The following KCNJ3 variants were observed in gnomAD, a reference collection of about 807,000 sequenced individuals.
KCNJ3 encodes potassium inwardly rectifying channel subfamily J member 3, also known as G protein-activated inward rectifier potassium channel 1.
Under a neutral mutation model 39.2 loss-of-function variants are expected in KCNJ3, and 4 were observed. The observed-to-expected ratio is 0.10, with a 90% CI of 0.05 to 0.23. KCNJ3 has a LOEUF of 0.23. Ranked by LOEUF, KCNJ3 falls within the 10% of genes least tolerant of loss-of-function variation. The pLI is 1.00. For synonymous variants in KCNJ3, 230 were observed against 237.4 expected (o/e 0.97, Z 0.29); for missense variants, 276 against 634.9 (o/e 0.43, Z 6.08).
chr2:154,741,401 T>C lies in KCNJ3; in HGVS notation c.919+31582T>C, dbSNP rs553711343. ...AAACAAAAATATGTTTTTGTTAACT[T>C]TGATATGTCATTTTATAGTGTTGCA... On this transcript the variant is annotated intron_variant, in intron 2 of 2. Coordinates refer to ENST00000295101, the MANE Select transcript of KCNJ3 (RefSeq NM_002239.4). 7.9e-5 allele frequency among the ~76,000 whole-genome samples: 12 copies of C among 151,336 alleles called. No individual in the cohort carries two copies. In the South Asian group the frequency reaches 2.1e-3, roughly 26 times the overall value.
chr2:154,797,920 G>A (rs982242072), intron 2 of KCNJ3, among the ~76,000 whole-genome samples: 1 of 152,004 alleles, frequency 6.6e-6, no homozygotes, highest in Non-Finnish European at 1.5e-5. Flanking sequence ...TGGGCACAAT[G>A]TTCTACAGCA....
At chr2:154,727,076 G>A (rs1018630061) in intron 2 of KCNJ3, among the ~76,000 whole-genome samples, 1 of 152,018 alleles carries the variant, frequency 6.6e-6, no homozygotes, top group African/African-American at 2.4e-5. Context: ...ACACTGCTAA[G>A]GTGATGGGTG....
chr2:154,739,323 C>A (rs1266306159), intron 2 of KCNJ3, among the ~76,000 whole-genome samples: 1 of 152,038 alleles, frequency 6.6e-6, no homozygotes. Context: ...TTGTACAGAG[C>A]ACAAGATATT....
chr2:154,712,872 A>G (rs1685123898), intron 2 of KCNJ3, among the ~76,000 whole-genome samples: 1 of 152,122 alleles, frequency 6.6e-6, no homozygotes, highest in African/African-American at 2.4e-5. Context: ...GAAGGTCTGA[A>G]GAGGGGACAC....
chr2:154,699,626 C>A lies in KCNJ3; in HGVS notation c.702+149C>A. The A allele has an allele frequency of 2.5e-6, 3 of 1,187,946 alleles. No individual in the cohort carries two copies. The highest frequency in any genetic ancestry group is 1.5e-5 in the African/African-American group (1 of 64,886). 73.6% of individuals were successfully genotyped at this position (1,187,946 alleles called of 1,614,324 possible). On this transcript the variant is annotated intron_variant, in intron 1 of 2. Transcript: ENST00000295101. The surrounding 1 kb of genome is among the most constrained non-coding windows in gnomAD (Gnocchi z 6.4). Reference sequence around the variant, plus strand: ...TTTTGGGGGGTTGGGGGTTGGAGGACTGGGCAAAGAATGCGGTTGACAGTT... The same window carrying A: ...TTTTGGGGGGTTGGGGGTTGGAGGAATGGGCAAAGAATGCGGTTGACAGTT...
Position 154,737,344 on chromosome 2 carries a change from A to G in KCNJ3, c.919+27525A>G, listed in dbSNP as rs140082324. The stretch of plus-strand genomic sequence containing the variant: ...AAAGTGAAACTGTTTACAGATAAAT[A>G]TGCTCAGAACAAAACTCAAAAATAT... On this transcript the variant is annotated intron_variant, in intron 2 of 2. Transcript: ENST00000295101. Among the ~76,000 whole-genome samples, 748 of 152,372 alleles carry G rather than the reference A, an allele frequency of 4.9e-3. 2 individuals are homozygous for G. The highest frequency in any genetic ancestry group is 0.017 in the Middle Eastern group (5 of 294).
In KCNJ3 at chr2:154,739,080, G is replaced by A. The variant is rs993940250; in HGVS notation, c.919+29261G>A. The stretch of plus-strand genomic sequence containing the variant: ...TTAAGAAAAAATAACTTTCAGACTC[G>A]TAATCTTCTAAAGTTACTTTTGTGG... On this transcript the variant is annotated intron_variant, in intron 2 of 2. Coordinates refer to ENST00000295101, the MANE Select transcript of KCNJ3 (RefSeq NM_002239.4). 9.2e-5 allele frequency among the ~76,000 whole-genome samples: 14 copies of A among 151,960 alleles called. No homozygotes were observed. The East Asian group carries it at 1.4e-3, about 15-fold the overall frequency.
chr2:154,765,844 C>T (rs1287176585), intron 2 of KCNJ3, among the ~76,000 whole-genome samples: 1 of 152,146 alleles, frequency 6.6e-6, no homozygotes, highest in East Asian at 1.9e-4. Context: ...AATGTCATAT[C>T]TTTGCAAAGG....
chr2:154,763,531 T>C (rs1172905398), intron 2 of KCNJ3, among the ~76,000 whole-genome samples: 1 of 152,180 alleles, frequency 6.6e-6, no homozygotes. Flanking sequence ...ATAGGCTTTC[T>C]TTATGAGAGA....
chr2:154,703,100 G>C (rs76788235), intron 1 of KCNJ3, among the ~76,000 whole-genome samples: 4,633 of 151,388 alleles, frequency 0.031, 109 homozygotes, highest in Non-Finnish European at 0.049. Flanking sequence ...ATAGACCTAG[G>C]CATACAACTT....
At chr2:154,740,065 C>T (rs750173831) in intron 2 of KCNJ3, among the ~76,000 whole-genome samples, 5 of 151,874 alleles carry the variant, frequency 3.3e-5, no homozygotes, top group African/African-American at 4.8e-5. Flanking sequence ...AACATAAACT[C>T]CCCAGGTAAT....
chr2:154,707,535 G>T (rs1685034853), intron 1 of KCNJ3, among the ~76,000 whole-genome samples: 1 of 151,982 alleles, frequency 6.6e-6, no homozygotes. Context: ...TGAGGCACAG[G>T]TATAAATAAC....
intron 2 of KCNJ3, among the ~76,000 whole-genome samples, chr2:154,725,974 A>T (rs182336060): frequency 3.9e-4 from 60 of 152,274 alleles, no homozygotes; most frequent in Middle Eastern, 3.4e-3. Context: ...ATGGATCAAG[A>T]ACTTAAATGT....
At chr2:154,750,526 T>C (rs554335309) in intron 2 of KCNJ3, among the ~76,000 whole-genome samples, 2 of 152,156 alleles carry the variant, frequency 1.3e-5, no homozygotes, top group East Asian at 1.9e-4. Context: ...AATTATATTA[T>C]TTATGAGATA....
At chr2:154,774,525 TATTTAA>T (rs1466313607) in intron 2 of KCNJ3, among the ~76,000 whole-genome samples, 1 of 152,040 alleles carries the variant, frequency 6.6e-6, no homozygotes, top group African/African-American at 2.4e-5. Context: ...AAGATTTAAT[TATTTAA>T]ATTAATATTT....
rs1422838332 is a variant in KCNJ3, at chr2:154,857,571, C to CA, written c.*2261dup. 6.6e-6 allele frequency: 1 copy of CA among 151,942 alleles called. No individual in the cohort carries two copies. The highest frequency in any genetic ancestry group is 2.4e-5 in the African/African-American group (1 of 41,332). The allele number at this position is 151,942 out of a possible 1,614,324, so 9.4% of individuals were successfully genotyped here. ...AACAAATAAGACCACTTCAGACAATCAAAGTATCAGTTAAGAGAATGAAAA... is the reference window on the plus strand; with the variant it reads ...AACAAATAAGACCACTTCAGACAATCAAAAGTATCAGTTAAGAGAATGAAAA... On this transcript the variant is annotated 3_prime_UTR_variant, in exon 3 of 3. Transcript: ENST00000295101.
At position 154,699,983 on chromosome 2, in the gene KCNJ3, A is replaced by C. The variant is rs970015597; in HGVS notation, c.702+506A>C. Among the ~76,000 whole-genome samples the C allele has an allele frequency of 4.6e-5, 7 of 152,046 alleles. No homozygotes were observed. Among genetic ancestry groups the C allele is most frequent in the African/African-American group, 1.7e-4 (7 of 41,466 alleles). On this transcript the variant is annotated intron_variant, in intron 1 of 2. Coordinates refer to ENST00000295101, the MANE Select transcript of KCNJ3 (RefSeq NM_002239.4). The surrounding 1 kb of genome is among the most constrained non-coding windows in gnomAD (Gnocchi z 6.4). ...TTTTTTTCCCCCTAATAATATTAGG[A>C]GGCGGATTACTCCTCTGGACCCAAT...
chr2:154,840,861 C>G (rs573665798), intron 2 of KCNJ3, among the ~76,000 whole-genome samples: 21 of 152,228 alleles, frequency 1.4e-4, no homozygotes, highest in African/African-American at 4.6e-4. Context: ...TCTAAATATA[C>G]GATCATGTCA....
intron 2 of KCNJ3, among the ~76,000 whole-genome samples, chr2:154,822,841 T>C (rs1687207664): frequency 6.6e-6 from 1 of 151,936 alleles, no homozygotes; most frequent in Non-Finnish European, 1.5e-5. Flanking sequence ...CAGAAATAAT[T>C]TGTGGTACTA....
Sources: gnomAD v4.1 joint callset for allele counts (sites outside exome capture counted in the v4.1 genomes callset) on GRCh38, gnomAD v4.1.1 for gene constraint, Gnocchi (gnomAD v3.1) non-coding constraint, MANE v1.5 for transcripts, NCBI Gene and HGNC (gene_info 2026-07-23, HGNC 2026-07-21) for gene names.